Variants in RSPH9 observed in about 807,000 individuals in gnomAD.
The protein encoded by RSPH9 is radial spoke head component 9.
A neutral mutation model predicts 27.0 loss-of-function variants in RSPH9; 27 were observed. The observed-to-expected ratio is 1.00, with a 90% CI of 0.74 to 1.38. The LOEUF (loss-of-function observed/expected upper bound fraction) is 1.38. Among genes scored for constraint, RSPH9 ranks in the 40% most tolerant of loss-of-function variants. The pLI, the probability that RSPH9 is intolerant of heterozygous loss-of-function variation, is 0.00. For synonymous variants in RSPH9, 145 were observed against 147.7 expected, an observed-to-expected ratio of 0.98 and a Z score of 0.13; for missense variants, 347 against 357.4, an observed-to-expected ratio of 0.97 and a Z score of 0.24.
At position 43,650,492 on chromosome 6, in the gene RSPH9, G is replaced by A. The variant is rs765626320; in HGVS notation, c.345G>A (p.Glu115=). 1.2e-6 allele frequency: 2 copies of A among 1,614,198 alleles called. No homozygotes were observed. Among genetic ancestry groups the A allele is most frequent in the South Asian group, 1.1e-5 (1 of 91,088 alleles). ...GDPSYEYEHT[E]LQKVNEGEKV... ...CATCATACGAATATGAACACACTGA[G>A]CTGCAGAAGGTGAATGAAGGTGAAA... Residue 115 remains glutamate (E), a synonymous_variant, in exon 2 of 5, where the codon GAG becomes GAA. Coordinates refer to ENST00000372163, the MANE Select transcript of RSPH9 (RefSeq NM_152732.5).
intron 4 of RSPH9, 86 bp downstream of exon 4, chr6:43,656,809 G>A (rs1160546795): frequency 4.1e-6 from 6 of 1,459,244 alleles, no homozygotes; most frequent in Non-Finnish European, 5.7e-6. Context: ...CTCTGAGACT[G>A]GAACCAAGGG....
At chr6:43,663,037 G>T (rs1397970721) in intron 4 of RSPH9, among the ~76,000 whole-genome samples, 6 of 151,136 alleles carry the variant, frequency 4.0e-5, no homozygotes, top group Non-Finnish European at 1.5e-5. Flanking sequence ...CACTCAAACA[G>T]TCCTCCTGCC....
At chr6:43,646,738 G>A (rs1218318509) in intron 1 of RSPH9, among the ~76,000 whole-genome samples, 1 of 151,078 alleles carries the variant, frequency 6.6e-6, no homozygotes, top group Non-Finnish European at 1.5e-5. Flanking sequence ...AGAGTTGGGC[G>A]GATCACGAGG....
intron 1 of RSPH9, among the ~76,000 whole-genome samples, chr6:43,648,269 CAA>C (rs780680876): frequency 1.6e-4 from 20 of 124,984 alleles, no homozygotes; most frequent in Non-Finnish European, 1.0e-4. Context: ...AACTCTGTCT[CAA>C]AAAAAAAAAA....
At chr6:43,668,160 G>A (rs1166869625) in intron 4 of RSPH9, among the ~76,000 whole-genome samples, 2 of 152,170 alleles carry the variant, frequency 1.3e-5, no homozygotes, top group African/African-American at 4.8e-5. Flanking sequence ...GTCTGCAGGG[G>A]GCTTTTCCCC....
chr6:43,671,115 G>C lies in RSPH9; in HGVS notation c.*166G>C, dbSNP rs2127937181. On this transcript the variant is annotated 3_prime_UTR_variant, in exon 5 of 5. Transcript: ENST00000372163. ...AGGGAGCTCATTTCTAAACCAAGTG[G>C]CAGAGGGGTTGGAATGTGCTAATGA... 1 of 789,444 alleles carries C rather than the reference G, an allele frequency of 1.3e-6. No individual in the cohort carries two copies. The highest frequency in any genetic ancestry group is 2.3e-4 in the Middle Eastern group (1 of 4,274). The allele number at this position is 789,444 out of a possible 1,614,324, so 48.9% of individuals were successfully genotyped here. A position where few individuals can be genotyped will look rare whatever the true frequency, so the allele number is the denominator to read the frequency against.
At chr6:43,645,382 G>A in intron 1 of RSPH9, 57 bp downstream of exon 1, 1 of 1,217,650 alleles carries the variant, frequency 8.2e-7, no homozygotes, top group Non-Finnish European at 1.2e-6. Flanking sequence ...GGCAGGGCGG[G>A]GTGGGCGGGT....
Position 43,671,669 on chromosome 6 carries a change from G to C in RSPH9, c.*720G>C. 6.8e-7 allele frequency: 1 copy of C among 1,460,298 alleles called. No homozygotes were observed. Among genetic ancestry groups the C allele is most frequent in the Non-Finnish European group, 9.5e-7 (1 of 1,048,738 alleles). The allele number at this position is 1,460,298 out of a possible 1,614,324, so 90.5% of individuals were successfully genotyped here. A position where few individuals can be genotyped will look rare whatever the true frequency, so the allele number is the denominator to read the frequency against. On this transcript the variant is annotated 3_prime_UTR_variant, in exon 5 of 5. Transcript: ENST00000372163. Reference sequence around the variant, plus strand: ...AGGGACCAGGCCATCGTGGTGGGGTGGGACAGGAGTATAGTTGTGGCCAAG... The same window carrying C: ...AGGGACCAGGCCATCGTGGTGGGGTCGGACAGGAGTATAGTTGTGGCCAAG...
intron 1 of RSPH9, among the ~76,000 whole-genome samples, chr6:43,647,726 A>T (rs1771032908): frequency 6.6e-6 from 1 of 152,216 alleles, no homozygotes; most frequent in African/African-American, 2.4e-5. Context: ...CAGAAGAAAA[A>T]GTTGAACTGA....
chr6:43,662,687 AT>A (rs1772758662), intron 4 of RSPH9, among the ~76,000 whole-genome samples: 1 of 151,872 alleles, frequency 6.6e-6, no homozygotes. Context: ...CTTTCTTATC[AT>A]TTGTATGTTC....
At chr6:43,670,460 G>A (rs1449861792) in intron 4 of RSPH9, among the ~76,000 whole-genome samples, 5 of 152,180 alleles carry the variant, frequency 3.3e-5, no homozygotes, top group Non-Finnish European at 5.9e-5. Context: ...AAAGTTAGCT[G>A]GGTATGGTGG....
chr6:43,647,250 C>T (rs999725585), intron 1 of RSPH9, among the ~76,000 whole-genome samples: 1 of 152,070 alleles, frequency 6.6e-6, no homozygotes, highest in Non-Finnish European at 1.5e-5. Flanking sequence ...TTTGGGAGAA[C>T]AGTAGTATGA....
In RSPH9 at chr6:43,671,446, C is replaced by A. The variant is rs41281834; in HGVS notation, c.*497C>A. 1,522 of 454,268 alleles carry A rather than the reference C, an allele frequency of 3.4e-3. 9 individuals are homozygous for A. The highest frequency in any genetic ancestry group is 0.012 in the South Asian group (492 of 41,060). 28.1% of individuals were successfully genotyped at this position (454,268 alleles called of 1,614,324 possible). A position where few individuals can be genotyped will look rare whatever the true frequency, so the allele number is the denominator to read the frequency against. ...CACTTCCCAAGCAGTGAGCGCACAC[C>A]CAATGGGTAAGCCCATGAACCCAGT... On this transcript the variant is annotated 3_prime_UTR_variant, in exon 5 of 5. Transcript: ENST00000372163.
rs1773670566 is a variant in RSPH9 at position 43,671,020 on chromosome 6, C to T, written c.*71C>T. On this transcript the variant is annotated 3_prime_UTR_variant, in exon 5 of 5. Transcript: ENST00000372163. ...TTTCTTAAGCTTCAGTGAACTTGGC[C>T]TGCCTGTTCTGTCCTATCTTCTTAA... 1 of 1,569,132 alleles carries T rather than the reference C, an allele frequency of 6.4e-7. No individual in the cohort carries two copies. The highest frequency in any genetic ancestry group is 8.7e-7 in the Non-Finnish European group (1 of 1,146,270).
At chr6:43,666,656 G>A in intron 4 of RSPH9, 1 of 597,528 alleles carries the variant, frequency 1.7e-6, no homozygotes, top group African/African-American at 1.9e-5. Flanking sequence ...CCATGGGAGT[G>A]GGTAGCTGGT....
chr6:43,663,463 C>G (rs976087965), intron 4 of RSPH9, among the ~76,000 whole-genome samples: 1 of 152,126 alleles, frequency 6.6e-6, no homozygotes, highest in African/African-American at 2.4e-5. Flanking sequence ...AGATGATCCA[C>G]CTCCCTCAGC....
At chr6:43,655,282 G>A (rs1051873537) in intron 2 of RSPH9, among the ~76,000 whole-genome samples, 1 of 152,204 alleles carries the variant, frequency 6.6e-6, no homozygotes, top group Non-Finnish European at 1.5e-5. Context: ...CCCCCAGTGA[G>A]GGCAACTAGG....
chr6:43,658,622 G>A (rs1772288753), intron 4 of RSPH9, among the ~76,000 whole-genome samples: 1 of 151,944 alleles, frequency 6.6e-6, no homozygotes, highest in South Asian at 2.1e-4. Context: ...CTCACTGCAA[G>A]CTCCACCTCC....
chr6:43,650,076 G>A (rs547978727), intron 1 of RSPH9, among the ~76,000 whole-genome samples: 3 of 151,970 alleles, frequency 2.0e-5, no homozygotes, highest in East Asian at 1.9e-4. Flanking sequence ...ACCATGCCCC[G>A]CTAATTTTTG....
Sources: gnomAD v4.1 joint callset for allele counts (sites outside exome capture counted in the v4.1 genomes callset) on GRCh38, gnomAD v4.1.1 for gene constraint, MANE v1.5 for transcripts, NCBI Gene and HGNC (gene_info 2026-07-23, HGNC 2026-07-21) for gene names.